PSD3: variants seen among roughly 807,000 people sequenced by gnomAD.
The protein encoded by PSD3 is PH and SEC7 domain-containing protein 3.
PSD3 carries 49 observed loss-of-function variants against 105.5 expected under a neutral mutation model. That is an observed-to-expected ratio of 0.46 (90% CI 0.37 to 0.59). The LOEUF (loss-of-function observed/expected upper bound fraction) is 0.59, where lower values mean the gene tolerates loss of function less well. Ranked by LOEUF, PSD3 falls within the 20% of genes least tolerant of loss-of-function variation. The pLI, the probability that PSD3 is intolerant of heterozygous loss-of-function variation, is 0.00. For synonymous variants in PSD3, 557 were observed against 457.8 expected (o/e 1.22, Z -2.77); for missense variants, 1,561 against 1,263.8 (o/e 1.24, Z -3.57).
At chr8:18,668,089 G>T (rs1293607858) in intron 9 of PSD3, among the ~76,000 whole-genome samples, 1 of 152,214 alleles carries the variant, frequency 6.6e-6, no homozygotes, top group African/African-American at 2.4e-5. Context: ...AGCAAGCTGA[G>T]GGAGCCGGCT....
intron 1 of PSD3, among the ~76,000 whole-genome samples, chr8:19,008,417 C>T (rs867489029): frequency 3.0e-4 from 46 of 152,162 alleles, no homozygotes; most frequent in Admixed American, 2.0e-4. Flanking sequence ...AATATAACTT[C>T]GCCAGAAAAT....
chr8:18,678,313 GT>G (rs1367726844), intron 9 of PSD3, among the ~76,000 whole-genome samples: 1 of 152,102 alleles, frequency 6.6e-6, no homozygotes, highest in African/African-American at 2.4e-5. Context: ...TTAGACTGAG[GT>G]ACCTCTGGCA....
chr8:18,917,428 G>T (rs1015748933), intron 2 of PSD3, among the ~76,000 whole-genome samples: 2 of 152,140 alleles, frequency 1.3e-5, no homozygotes, highest in Non-Finnish European at 2.9e-5. Flanking sequence ...CTAACTAGAA[G>T]TCTTCCGTGG....
intron 1 of PSD3, among the ~76,000 whole-genome samples, chr8:19,077,755 A>C (rs1280507967): frequency 6.6e-6 from 1 of 152,238 alleles, no homozygotes; most frequent in Non-Finnish European, 1.5e-5. Flanking sequence ...TGTGATTTAT[A>C]AATAGATTTG....
chr8:18,953,378 G>A (rs1468049353), intron 1 of PSD3, among the ~76,000 whole-genome samples: 1 of 152,088 alleles, frequency 6.6e-6, no homozygotes, highest in African/African-American at 2.4e-5. Flanking sequence ...GATACTCAAG[G>A]CAACACATAT....
chr8:18,689,793 G>A (rs7836775), intron 9 of PSD3, among the ~76,000 whole-genome samples: 2,743 of 152,222 alleles, frequency 0.018, 44 homozygotes, highest in Non-Finnish European at 0.025. Flanking sequence ...TTATAAAGAT[G>A]CTAATGATTA....
Position 19,012,114 on chromosome 8 carries a change from T to G in PSD3, c.21+1449A>C, listed in dbSNP as rs563318134. Among the ~76,000 whole-genome samples the G allele has an allele frequency of 4.1e-4, 63 of 152,322 alleles. No homozygotes were observed. In the South Asian group the frequency reaches 0.012, roughly 30 times the overall value. On this transcript the variant is annotated intron_variant, in intron 1 of 15. Transcript: ENST00000327040. ...AACTCACCCAGTCAGTGGCAAAGCC[T>G]CTAAGCTAGGTGTCCTACCTACAGA...
intron 9 of PSD3, among the ~76,000 whole-genome samples, chr8:18,730,987 A>T (rs552875213): frequency 6.6e-6 from 1 of 152,168 alleles, no homozygotes; most frequent in Non-Finnish European, 1.5e-5. Flanking sequence ...ATTTCTTTCT[A>T]AAAGTCATTC....
At chr8:18,723,008 C>G (rs929641661) in intron 9 of PSD3, among the ~76,000 whole-genome samples, 4 of 152,174 alleles carry the variant, frequency 2.6e-5, no homozygotes, top group African/African-American at 9.7e-5. Flanking sequence ...TGCAACATAA[C>G]TCATACTTTT....
chr8:18,971,180 G>A (rs1479485765), intron 1 of PSD3, among the ~76,000 whole-genome samples: 3 of 152,094 alleles, frequency 2.0e-5, no homozygotes, highest in Admixed American at 6.6e-5. Flanking sequence ...AAAACAAAAT[G>A]GACTCAAGTT....
chr8:18,980,532 A>G (rs1177085659), intron 1 of PSD3, among the ~76,000 whole-genome samples: 1 of 152,144 alleles, frequency 6.6e-6, no homozygotes, highest in Non-Finnish European at 1.5e-5. Flanking sequence ...GAACATACAC[A>G]TTTAATATAA....
rs1393151589 is a variant in PSD3, at chr8:18,572,626, C to A, written c.2686G>T (p.Ala896Ser). Residue 896 changes from alanine (A) to serine (S), a missense_variant, in exon 14 of 16, where the codon GCA (alanine) becomes TCA (serine). Transcript: ENST00000327040. ...QGWINKINCV[A>S]AVFSAPPFPA... Reference sequence around the variant, plus strand: ...AATGGTGGTGCAGAAAATACAGCTGCCACACAATTGATTTTGTTTATCCAC... The same window carrying A: ...AATGGTGGTGCAGAAAATACAGCTGACACACAATTGATTTTGTTTATCCAC... The A allele has an allele frequency of 1.2e-6, 2 of 1,613,978 alleles. No homozygotes were observed. The highest frequency in any genetic ancestry group is 1.1e-5 in the South Asian group (1 of 91,062).
chr8:18,867,668 G>A lies in PSD3; in HGVS notation c.1634+6C>T, dbSNP rs377159271. The A allele has an allele frequency of 5.6e-5, 89 of 1,603,274 alleles. No individual in the cohort carries two copies. In the African/African-American group the frequency reaches 7.5e-4, roughly 13 times the overall value. On this transcript the variant is annotated splice_donor_region_variant and intron_variant, in intron 4 of 15. Transcript: ENST00000327040. The stretch of plus-strand genomic sequence containing the variant: ...AGCATGAAATGAATGAGAATGGGAC[G>A]AGTACCTTCCCCAGAAAGCAATCTC...
At chr8:19,024,144 C>A (rs897443159) in intron 1 of PSD3, among the ~76,000 whole-genome samples, 1 of 152,122 alleles carries the variant, frequency 6.6e-6, no homozygotes, top group African/African-American at 2.4e-5. Flanking sequence ...CAAATTATTC[C>A]AATAATAAAA....
chr8:18,674,340 T>C lies in PSD3; in HGVS notation c.2173-18655A>G, dbSNP rs544803118. On this transcript the variant is annotated intron_variant, in intron 9 of 15. Transcript: ENST00000327040. Reference sequence around the variant, plus strand: ...GTGGGGACAGATTGATCTATTTCTTTCTTTAGTATTTGGCATCCAGTTTTT... The same window carrying C: ...GTGGGGACAGATTGATCTATTTCTTCCTTTAGTATTTGGCATCCAGTTTTT... Among the ~76,000 whole-genome samples the C allele has an allele frequency of 1.8e-4, 27 of 152,322 alleles. No homozygotes were observed. In the East Asian group the frequency reaches 5.0e-3, roughly 28 times the overall value.
At chr8:18,952,623 T>G (rs73202193) in intron 1 of PSD3, among the ~76,000 whole-genome samples, 59,643 of 151,938 alleles carry the variant, frequency 0.39, 11,880 homozygotes, top group Non-Finnish European at 0.41. Flanking sequence ...AATATACAAA[T>G]TATAGGACTG....
At chr8:19,046,579 T>C (rs1437227205) in intron 1 of PSD3, among the ~76,000 whole-genome samples, 1 of 152,216 alleles carries the variant, frequency 6.6e-6, no homozygotes, top group African/African-American at 2.4e-5. Flanking sequence ...ATCTTGGCAC[T>C]GTATTCCTTA....
chr8:19,051,672 T>G (rs1053063393), intron 1 of PSD3, among the ~76,000 whole-genome samples: 4 of 152,198 alleles, frequency 2.6e-5, no homozygotes, highest in Non-Finnish European at 5.9e-5. Flanking sequence ...CGATTTGTCA[T>G]TGTGTCATGC....
chr8:18,918,073 T>C (rs1820738972), intron 2 of PSD3, among the ~76,000 whole-genome samples: 1 of 152,188 alleles, frequency 6.6e-6, no homozygotes. Flanking sequence ...AATCAATCCA[T>C]TATTTTTTTA....
Sources: gnomAD v4.1 joint callset for allele counts (sites outside exome capture counted in the v4.1 genomes callset) on GRCh38, gnomAD v4.1.1 for gene constraint, MANE v1.5 for transcripts, NCBI Gene and HGNC (gene_info 2026-07-23, HGNC 2026-07-21) for gene names.